PIEZO2: variants seen among roughly 807,000 people sequenced by gnomAD.
PIEZO2 encodes piezo type mechanosensitive ion channel component 2, also known as piezo-type mechanosensitive ion channel component 2.
Under a neutral mutation model 337.3 loss-of-function variants are expected in PIEZO2, and 172 were observed. That is an observed-to-expected ratio of 0.51 (90% CI 0.45 to 0.58). The LOEUF is 0.58. PIEZO2 is among the 20% of genes least tolerant of loss of function. The probability of loss-of-function intolerance (pLI) is 0.00; values close to 1 mark genes in which losing one functional copy is unlikely to be tolerated. For missense variants in PIEZO2, 3,028 were observed against 3,391.3 expected, an observed-to-expected ratio of 0.89 and a Z score of 2.66; for synonymous variants, 1,251 against 1,228.5, an observed-to-expected ratio of 1.02 and a Z score of -0.38.
chr18:10,730,795 T>C lies in PIEZO2; in HGVS notation c.5029+612A>G, dbSNP rs533333801. 1.4e-3 allele frequency among the ~76,000 whole-genome samples: 220 copies of C among 152,252 alleles called. No individual in the cohort carries two copies. In the South Asian group the frequency reaches 0.029, roughly 20 times the overall value. On this transcript the variant is annotated intron_variant, in intron 36 of 55. Coordinates refer to ENST00000674853, the MANE Select transcript of PIEZO2 (RefSeq NM_001378183.1). ...AGGCTGGAGTGCAGTGGTGCGATCT[T>C]GGCTCACTGCAAGCTCCGCCTCCCG... is the stretch of plus-strand genomic sequence containing the variant.
rs1215621780 is a variant in PIEZO2, at chr18:11,034,266, T to C, written c.160+31861A>G. On this transcript the variant is annotated intron_variant, in intron 2 of 55. Coordinates refer to ENST00000674853, the MANE Select transcript of PIEZO2 (RefSeq NM_001378183.1). ...AATGGGTGAGAAGGAGGGAAGTCTA[T>C]TTACTGATTAAATGTATCATTTCTT... Among the ~76,000 whole-genome samples the C allele has an allele frequency of 3.3e-5, 5 of 152,244 alleles. No homozygotes were observed. The South Asian group carries it at 1.0e-3, about 32-fold the overall frequency.
intron 3 of PIEZO2, among the ~76,000 whole-genome samples, chr18:10,916,803 T>A (rs1049158444): frequency 6.6e-6 from 1 of 152,210 alleles, no homozygotes; most frequent in Non-Finnish European, 1.5e-5. Flanking sequence ...GCACCAAGAA[T>A]GAGCGATGGC....
rs555637189 is a variant in PIEZO2 at position 10,673,267 on chromosome 18, G to A, written c.8162-394C>T. 1.8e-4 allele frequency among the ~76,000 whole-genome samples: 28 copies of A among 152,294 alleles called. No individual in the cohort carries two copies. The highest frequency in any genetic ancestry group is 5.8e-4 in the African/African-American group (24 of 41,560). On this transcript the variant is annotated intron_variant, in intron 54 of 55. Transcript: ENST00000674853. This position sits in a 1 kb window ranked among gnomAD's most constrained non-coding sequence, Gnocchi z 4.8. ...AGCATTTGTTGCATGTCTCATAGGA[G>A]GAAGGCACTCAATTAGGTGCTAAAG... is the stretch of plus-strand genomic sequence containing the variant.
At chr18:10,898,888 T>A (rs1257239557) in intron 4 of PIEZO2, among the ~76,000 whole-genome samples, 1 of 151,716 alleles carries the variant, frequency 6.6e-6, no homozygotes, top group Non-Finnish European at 1.5e-5. Flanking sequence ...CAAGATGGGG[T>A]TGAAAGAAAA....
chr18:10,919,258 G>GGCAT (rs2031224354), intron 3 of PIEZO2, among the ~76,000 whole-genome samples: 1 of 151,806 alleles, frequency 6.6e-6, no homozygotes, highest in Non-Finnish European at 1.5e-5. Context: ...TCCCAAATAT[G>GGCAT]GCATATCTGC....
intron 2 of PIEZO2, among the ~76,000 whole-genome samples, chr18:11,010,816 T>C (rs1290321910): frequency 6.6e-6 from 1 of 152,256 alleles, no homozygotes; most frequent in Non-Finnish European, 1.5e-5. Flanking sequence ...TATTTACATA[T>C]TTAGCCCAGA....
At position 10,843,297 on chromosome 18, in the gene PIEZO2, T is replaced by C. The variant is rs142566156; in HGVS notation, c.917+12056A>G. 1.4e-4 allele frequency among the ~76,000 whole-genome samples: 21 copies of C among 152,192 alleles called. No homozygotes were observed. In the East Asian group the frequency reaches 3.9e-3, roughly 28 times the overall value. Reference sequence around the variant, plus strand: ...AAATGAGGTTTCTCAAAAGATCTCTTTAGATTTCATTTCTTATACGCTCAC... The same window carrying C: ...AAATGAGGTTTCTCAAAAGATCTCTCTAGATTTCATTTCTTATACGCTCAC... On this transcript the variant is annotated intron_variant, in intron 7 of 55. Transcript: ENST00000674853.
chr18:10,705,677 A>G lies in PIEZO2; in HGVS notation c.5658T>C (p.Ala1886=). 2.0e-6 allele frequency: 3 copies of G among 1,532,618 alleles called. No individual in the cohort carries two copies. The highest frequency in any genetic ancestry group is 1.4e-5 in the African/African-American group (1 of 72,164). 94.9% of individuals were successfully genotyped at this position (1,532,618 alleles called of 1,614,324 possible). A position where few individuals can be genotyped will look rare whatever the true frequency, so the allele number is the denominator to read the frequency against. ...TGCTCCCTGCCTCCTCCTCCTGCTCAGCCTCCACCTCCTCGATGGTCTCAG... is the reference window on the plus strand; with the variant it reads ...TGCTCCCTGCCTCCTCCTCCTGCTCGGCCTCCACCTCCTCGATGGTCTCAG... ...GTTETIEEVE[A]EQEEEAGSTA... Residue 1886 remains alanine, a synonymous_variant, in exon 41 of 56, where the codon GCT becomes GCC. Coordinates refer to ENST00000674853, the MANE Select transcript of PIEZO2 (RefSeq NM_001378183.1).
chr18:11,045,892 T>A (rs575608997), intron 2 of PIEZO2, among the ~76,000 whole-genome samples: 11 of 152,320 alleles, frequency 7.2e-5, no homozygotes, highest in African/African-American at 2.6e-4. Flanking sequence ...TGCCGTTGTA[T>A]GAATCACTCA....
chr18:11,019,114 A>G (rs1260219791), intron 2 of PIEZO2, among the ~76,000 whole-genome samples: 1 of 151,856 alleles, frequency 6.6e-6, no homozygotes, highest in Non-Finnish European at 1.5e-5. Context: ...TCCACTTTCC[A>G]CTGATGTCTC....
In PIEZO2 at chr18:10,752,950, T is replaced by C. The variant is rs967848021; in HGVS notation, c.3924-71A>G. ...ACAAAAGCAAAATCAGGAAAGTCTT[T>C]AACAAGGGAAGAAATTCATGCTCTC... On this transcript the variant is annotated intron_variant, in intron 27 of 55. Coordinates refer to ENST00000674853, the MANE Select transcript of PIEZO2 (RefSeq NM_001378183.1). 1.3e-5 allele frequency: 19 copies of C among 1,474,550 alleles called. No individual in the cohort carries two copies. In the East Asian group the frequency reaches 4.0e-4, roughly 31 times the overall value. The allele number at this position is 1,474,550 out of a possible 1,614,324, so 91.3% of individuals were successfully genotyped here.
Position 10,707,704 on chromosome 18 carries a change from T to C in PIEZO2, c.5588+571A>G, listed in dbSNP as rs1334068491. Among the ~76,000 whole-genome samples, 2 of 152,248 alleles carry C rather than the reference T, an allele frequency of 1.3e-5. No homozygotes were observed. Among genetic ancestry groups the C allele is most frequent in the African/African-American group, 4.8e-5 (2 of 41,456 alleles). On this transcript the variant is annotated intron_variant, in intron 40 of 55. Coordinates refer to ENST00000674853, the MANE Select transcript of PIEZO2 (RefSeq NM_001378183.1). The surrounding 1 kb of genome is among the most constrained non-coding windows in gnomAD (Gnocchi z 4.2). ...TATATTTTCCCCAAAATAAAAGTTATAGGCTACAAAGATGATGCATTCTGC... is the reference window on the plus strand; with the variant it reads ...TATATTTTCCCCAAAATAAAAGTTACAGGCTACAAAGATGATGCATTCTGC...
intron 4 of PIEZO2, among the ~76,000 whole-genome samples, chr18:10,883,941 G>T (rs1253689365): frequency 1.3e-5 from 2 of 151,266 alleles, no homozygotes; most frequent in Admixed American, 1.3e-4. Flanking sequence ...CTCCCGAGTA[G>T]CTGGGACTAC....
intron 2 of PIEZO2, among the ~76,000 whole-genome samples, chr18:11,022,749 A>C (rs531502640): frequency 1.3e-5 from 2 of 152,206 alleles, no homozygotes; most frequent in African/African-American, 4.8e-5. Flanking sequence ...ATGACCTTAC[A>C]TGTGCATAGA....
At chr18:10,975,166 C>G (rs989179953) in intron 3 of PIEZO2, among the ~76,000 whole-genome samples, 1 of 152,140 alleles carries the variant, frequency 6.6e-6, no homozygotes, top group Non-Finnish European at 1.5e-5. Flanking sequence ...ACAAATTTTC[C>G]CTATATAGTT....
intron 2 of PIEZO2, among the ~76,000 whole-genome samples, chr18:10,984,381 C>A (rs898831007): frequency 1.6e-4 from 24 of 151,624 alleles, no homozygotes; most frequent in African/African-American, 4.6e-4. Context: ...GACATTCAAC[C>A]ATAAGAAACC....
At chr18:10,691,798 T>G (rs866960003) in intron 47 of PIEZO2, among the ~76,000 whole-genome samples, 1,681 of 73,966 alleles carry the variant, frequency 0.023, 108 homozygotes, top group African/African-American at 0.044. Context: ...TATATATATA[T>G]ATAGAGAGAG....
chr18:11,117,551 A>T (rs1031583242), intron 1 of PIEZO2, among the ~76,000 whole-genome samples: 1 of 152,234 alleles, frequency 6.6e-6, no homozygotes, highest in African/African-American at 2.4e-5. Context: ...TCAATGTAAC[A>T]CACCAAGTTC....
In PIEZO2 at chr18:10,862,938, T is replaced by C. The variant is rs2041914652; in HGVS notation, c.493-5727A>G. Among the ~76,000 whole-genome samples the C allele has an allele frequency of 6.6e-6, 1 of 152,238 alleles. No homozygotes were observed. The highest frequency in any genetic ancestry group is 1.5e-5 in the Non-Finnish European group (1 of 68,042). On this transcript the variant is annotated intron_variant, in intron 5 of 55. Coordinates refer to ENST00000674853, the MANE Select transcript of PIEZO2 (RefSeq NM_001378183.1). The surrounding 1 kb of genome is among the most constrained non-coding windows in gnomAD (Gnocchi z 4.4). Reference sequence around the variant, plus strand: ...AAATAAATTATCTCTGGAACCTCCTTTAGGTTTCAGTCGAGCTTTGGACCT... The same window carrying C: ...AAATAAATTATCTCTGGAACCTCCTCTAGGTTTCAGTCGAGCTTTGGACCT...
Sources: allele counts gnomAD v4.1 joint callset (sites outside exome capture counted in the v4.1 genomes callset), GRCh38; gene constraint gnomAD v4.1.1; non-coding constraint Gnocchi (gnomAD v3.1); transcripts MANE v1.5; gene names NCBI Gene and HGNC (gene_info 2026-07-23, HGNC 2026-07-21).